The following ARB2A variants were observed in gnomAD, a reference collection of about 807,000 sequenced individuals.
ARB2A encodes the protein cotranscriptional regulator ARB2A.
the ARB2A span, among the ~76,000 whole-genome samples, chr5:93,689,731 T>C: frequency 6.6e-6 from 1 of 152,094 alleles, no homozygotes; most frequent in Non-Finnish European, 1.5e-5. Flanking sequence ...TCGCTCTTGT[T>C]GTCCGGGCTG....
At chr5:93,715,699 T>A in the ARB2A span, among the ~76,000 whole-genome samples, 1 of 151,868 alleles carries the variant, frequency 6.6e-6, no homozygotes, top group East Asian at 1.9e-4. Flanking sequence ...TACCAGATAA[T>A]TTTGAAAGAC....
At chr5:94,042,601 A>T in the ARB2A span, among the ~76,000 whole-genome samples, 3 of 152,274 alleles carry the variant, frequency 2.0e-5, no homozygotes, top group East Asian at 5.8e-4. Context: ...CACTGCGCCC[A>T]GCCACAAAAG....
the ARB2A span, among the ~76,000 whole-genome samples, chr5:94,067,356 G>T: frequency 6.6e-6 from 1 of 152,040 alleles, no homozygotes; most frequent in Admixed American, 6.6e-5. Flanking sequence ...TCAGGCAAGA[G>T]AACAAAATAA....
At chr5:93,803,509 C>G in the ARB2A span, among the ~76,000 whole-genome samples, 22 of 145,764 alleles carry the variant, frequency 1.5e-4, no homozygotes, top group East Asian at 4.7e-3. Context: ...AAGATGAGAA[C>G]ACATGAACAC....
chr5:93,749,392 T>C, the ARB2A span, among the ~76,000 whole-genome samples: 936 of 152,310 alleles, frequency 6.1e-3, 10 homozygotes, highest in African/African-American at 0.022. Context: ...TAATACATTG[T>C]GGTAACTGAA....
chr5:93,819,671 C>T, the ARB2A span, among the ~76,000 whole-genome samples: 1 of 152,204 alleles, frequency 6.6e-6, no homozygotes, highest in Non-Finnish European at 1.5e-5. Context: ...TCTTTAAGGT[C>T]ACAGTTAGCT....
the ARB2A span, among the ~76,000 whole-genome samples, chr5:93,824,824 T>C: frequency 3.9e-5 from 6 of 152,336 alleles, no homozygotes; most frequent in Admixed American, 6.5e-5. Flanking sequence ...TTCCCAGGCA[T>C]TTTTCTGCTA....
At chr5:93,732,166 C>T in the ARB2A span, among the ~76,000 whole-genome samples, 2 of 152,162 alleles carry the variant, frequency 1.3e-5, no homozygotes, top group Non-Finnish European at 2.9e-5. Flanking sequence ...CATGATCATG[C>T]TAATGACTTG....
chr5:93,986,733 G>A, the ARB2A span, among the ~76,000 whole-genome samples: 12 of 152,254 alleles, frequency 7.9e-5, no homozygotes, highest in African/African-American at 2.2e-4. Flanking sequence ...CGGTGCTCTC[G>A]GAAACATGTG....
At chr5:93,879,908 G>A in the ARB2A span, among the ~76,000 whole-genome samples, 2 of 151,584 alleles carry the variant, frequency 1.3e-5, no homozygotes, top group Non-Finnish European at 3.0e-5. Flanking sequence ...TTCATTTCTG[G>A]AATCTGGATA....
the ARB2A span, among the ~76,000 whole-genome samples, chr5:93,798,862 T>C: frequency 6.6e-6 from 1 of 152,112 alleles, no homozygotes; most frequent in South Asian, 2.1e-4. Flanking sequence ...TACTACAGGC[T>C]CCAAAGTGAT....
the ARB2A span, among the ~76,000 whole-genome samples, chr5:93,766,481 A>T: frequency 3.3e-5 from 5 of 152,210 alleles, no homozygotes; most frequent in Admixed American, 2.0e-4. Flanking sequence ...AATCAAAACC[A>T]CAATGAGATA....
the ARB2A span, among the ~76,000 whole-genome samples, chr5:93,958,042 A>G: frequency 6.6e-6 from 1 of 152,066 alleles, no homozygotes; most frequent in African/African-American, 2.4e-5. Flanking sequence ...TATGGAACTT[A>G]TGAATGCAAT....
the ARB2A span, among the ~76,000 whole-genome samples, chr5:93,851,144 C>T: frequency 6.6e-6 from 1 of 152,180 alleles, no homozygotes; most frequent in Non-Finnish European, 1.5e-5. Flanking sequence ...AAAATGAAAC[C>T]TGGTATTCCT....
chr5:93,858,532 T>G, the ARB2A span, among the ~76,000 whole-genome samples: 12 of 152,202 alleles, frequency 7.9e-5, no homozygotes, highest in Non-Finnish European at 4.4e-5. Context: ...ACCACTTATA[T>G]TCCTCCATCT....
chr5:93,859,651 C>T, the ARB2A span, among the ~76,000 whole-genome samples: 5 of 152,074 alleles, frequency 3.3e-5, no homozygotes, highest in African/African-American at 4.8e-5. Flanking sequence ...AATGAGCATA[C>T]ACATAAATAG....
At chr5:93,846,073 G>A in the ARB2A span, among the ~76,000 whole-genome samples, 229 of 151,668 alleles carry the variant, frequency 1.5e-3, no homozygotes, top group South Asian at 1.2e-3. Context: ...AATTAGCTTT[G>A]TGACTTTGAC....
chr5:94,012,448 T>C, the ARB2A span, among the ~76,000 whole-genome samples: 1 of 152,174 alleles, frequency 6.6e-6, no homozygotes, highest in African/African-American at 2.4e-5. Context: ...AATTAGCGAT[T>C]GTGACAGGAG....
chr5:93,781,719 C>T, the ARB2A span: 3 of 172,688 alleles, frequency 1.7e-5, no homozygotes, highest in East Asian at 3.8e-4. Context: ...AGTAGCCATT[C>T]TGATTGGTGT....
Sources: allele counts gnomAD v4.1 joint callset (sites outside exome capture counted in the v4.1 genomes callset), GRCh38; gene constraint gnomAD v4.1.1; transcripts MANE v1.5; gene names NCBI Gene and HGNC (gene_info 2026-07-23, HGNC 2026-07-21).